CSMD3: variants seen among roughly 807,000 people sequenced by gnomAD.
The protein encoded by CSMD3 is CUB and sushi domain-containing protein 3.
A neutral mutation model predicts 435.2 loss-of-function variants in CSMD3; 177 were observed. The observed-to-expected ratio is 0.41, with a 90% CI of 0.36 to 0.46. The LOEUF (loss-of-function observed/expected upper bound fraction) is 0.46. CSMD3 is among the 20% of genes least tolerant of loss of function. The pLI is 0.34. For synonymous variants in CSMD3, 1,656 were observed against 1,520.5 expected (o/e 1.09, Z -2.07); for missense variants, 4,265 against 4,504.6 (o/e 0.95, Z 1.52).
At chr8:112,953,294 C>T (rs559811339) in intron 8 of CSMD3, among the ~76,000 whole-genome samples, 36 of 151,372 alleles carry the variant, frequency 2.4e-4, no homozygotes, top group Non-Finnish European at 4.3e-4. Flanking sequence ...AGTCATCTCA[C>T]CTGGTGATTT....
At chr8:112,359,989 C>T (rs1266190403) in intron 38 of CSMD3, among the ~76,000 whole-genome samples, 1 of 152,064 alleles carries the variant, frequency 6.6e-6, no homozygotes, top group Admixed American at 6.6e-5. Context: ...ATTAATCTTA[C>T]TTAATACCCG....
chr8:112,394,734 A>G (rs1202578606), intron 35 of CSMD3, among the ~76,000 whole-genome samples: 1 of 152,064 alleles, frequency 6.6e-6, no homozygotes, highest in African/African-American at 2.4e-5. Flanking sequence ...ATTTTTTTCT[A>G]CAGCATTCTC....
At chr8:112,602,649 T>C (rs1266879933) in intron 22 of CSMD3, among the ~76,000 whole-genome samples, 6 of 151,780 alleles carry the variant, frequency 4.0e-5, no homozygotes, top group African/African-American at 1.5e-4. Context: ...TAGCCTATTG[T>C]TAGCCCACAG....
At chr8:112,751,617 A>G (rs2077571409) in intron 13 of CSMD3, among the ~76,000 whole-genome samples, 1 of 150,058 alleles carries the variant, frequency 6.7e-6, no homozygotes. Flanking sequence ...TTTTCAAAAT[A>G]AGAAGTTTAG....
At position 112,807,237 on chromosome 8, in the gene CSMD3, CTT is replaced by C. The variant is rs1439020169; in HGVS notation, c.1860-6965_1860-6964del. On this transcript the variant is annotated intron_variant, in intron 12 of 70. Transcript: ENST00000297405. Reference sequence around the variant, plus strand: ...TAAGCACAAGCCCTGAAATAAATACCTTGTCTGGGAAATCTGCTGGGCCTCAT... The same window carrying C: ...TAAGCACAAGCCCTGAAATAAATACCGTCTGGGAAATCTGCTGGGCCTCAT... Among the ~76,000 whole-genome samples the C allele has an allele frequency of 1.1e-4, 16 of 152,242 alleles. No individual in the cohort carries two copies. In the East Asian group the frequency reaches 3.1e-3, roughly 29 times the overall value.
chr8:112,296,149 G>C (rs1447837718), intron 53 of CSMD3, 143 bp from the exon 54 acceptor site: 1 of 679,626 alleles, frequency 1.5e-6, no homozygotes, highest in African/African-American at 1.8e-5. Context: ...ATGACATAAA[G>C]GTAACTATGA....
rs534958348 is a variant in CSMD3 at position 112,852,302 on chromosome 8, T to C, written c.1755+6843A>G. On this transcript the variant is annotated intron_variant, in intron 11 of 70. Transcript: ENST00000297405. ...TTAAGGGTGACTTCAAGTTGAGTCCTAAAATATCAGTTTAGGACTGAAATT... is the reference window on the plus strand; with the variant it reads ...TTAAGGGTGACTTCAAGTTGAGTCCCAAAATATCAGTTTAGGACTGAAATT... Among the ~76,000 whole-genome samples, 21 of 152,312 alleles carry C rather than the reference T, an allele frequency of 1.4e-4. 1 individual carries two copies. The South Asian group carries it at 4.4e-3, about 32-fold the overall frequency.
intron 28 of CSMD3, among the ~76,000 whole-genome samples, chr8:112,513,819 T>G (rs1175472603): frequency 6.6e-6 from 1 of 152,154 alleles, no homozygotes; most frequent in Admixed American, 6.5e-5. Flanking sequence ...TTTTTCCACT[T>G]GGATTATGTG....
intron 32 of CSMD3, among the ~76,000 whole-genome samples, chr8:112,458,181 C>T (rs2130653563): frequency 8.2e-6 from 1 of 122,554 alleles, no homozygotes; most frequent in Admixed American, 8.0e-5. Context: ...AAAGACAGTC[C>T]CCTTCAAATA....
intron 27 of CSMD3, among the ~76,000 whole-genome samples, chr8:112,523,331 AT>A (rs1394001601): frequency 1.3e-5 from 2 of 152,014 alleles, no homozygotes; most frequent in African/African-American, 4.8e-5. Flanking sequence ...AAAATATTAA[AT>A]TTTTATTCTA....
intron 38 of CSMD3, among the ~76,000 whole-genome samples, chr8:112,356,014 A>G (rs1424725640): frequency 1.3e-5 from 2 of 152,160 alleles, no homozygotes; most frequent in Non-Finnish European, 2.9e-5. Context: ...AATGGCTATG[A>G]TGTAAAAGTC....
intron 12 of CSMD3, among the ~76,000 whole-genome samples, chr8:112,813,311 A>C (rs560674310): frequency 6.6e-6 from 1 of 152,300 alleles, no homozygotes; most frequent in Non-Finnish European, 1.5e-5. Context: ...GCAATATGTT[A>C]CCAGAGTGAA....
chr8:113,329,233 A>AAATAAATAAATAAATAAATG lies in CSMD3; in HGVS notation c.179-14441_179-14440insCATTTATTTATTTATTTATT, dbSNP rs1196514500. 4.6e-3 allele frequency among the ~76,000 whole-genome samples: 700 copies of AAATAAATAAATAAATAAATG among 151,270 alleles called. 9 individuals are homozygous for AAATAAATAAATAAATAAATG. The highest frequency in any genetic ancestry group is 0.016 in the African/African-American group (664 of 41,350). ...TAAATAAATAAATAAATAAATAAATAAGGAATTAACTGAAAATGTACAAAT... is the reference window on the plus strand; with the variant it reads ...TAAATAAATAAATAAATAAATAAATAAATAAATAAATAAATAAATGAGGAATTAACTGAAAATGTACAAAT... On this transcript the variant is annotated intron_variant, in intron 1 of 70. Transcript: ENST00000297405.
At chr8:113,122,679 A>C (rs1344903026) in intron 4 of CSMD3, among the ~76,000 whole-genome samples, 2 of 152,074 alleles carry the variant, frequency 1.3e-5, no homozygotes, top group Admixed American at 1.3e-4. Flanking sequence ...GGCAGCCTCC[A>C]GATGCTGGAA....
At chr8:113,107,785 C>G (rs1240167140) in intron 4 of CSMD3, among the ~76,000 whole-genome samples, 1 of 152,186 alleles carries the variant, frequency 6.6e-6, no homozygotes, top group Non-Finnish European at 1.5e-5. Context: ...AGTCTCTTTT[C>G]TACTTCAGTA....
chr8:112,584,135 G>A (rs1830537232), intron 23 of CSMD3, among the ~76,000 whole-genome samples: 1 of 151,724 alleles, frequency 6.6e-6, no homozygotes, highest in East Asian at 1.9e-4. Context: ...GTAACAGTGT[G>A]CTACCTTGGA....
In CSMD3 at chr8:113,107,179, T is replaced by A. The variant is rs544299768; in HGVS notation, c.710-8216A>T. 8.1e-4 allele frequency among the ~76,000 whole-genome samples: 123 copies of A among 152,290 alleles called. 1 individual carries two copies. The highest frequency in any genetic ancestry group is 3.4e-3 in the Middle Eastern group (1 of 294). The stretch of plus-strand genomic sequence containing the variant: ...GAGCATCATGCAAGTCGCATCACAC[T>A]GGGGGCCTGGCACAGAAGTGGTGGT... On this transcript the variant is annotated intron_variant, in intron 4 of 70. Transcript: ENST00000297405.
At chr8:112,943,080 T>C (rs1254994102) in intron 9 of CSMD3, among the ~76,000 whole-genome samples, 1 of 151,754 alleles carries the variant, frequency 6.6e-6, no homozygotes, top group Non-Finnish European at 1.5e-5. Flanking sequence ...TAATTACATA[T>C]GATAATGAGC....
intron 22 of CSMD3, among the ~76,000 whole-genome samples, chr8:112,630,039 A>T (rs2074471160): frequency 6.6e-6 from 1 of 152,142 alleles, no homozygotes; most frequent in Non-Finnish European, 1.5e-5. Flanking sequence ...CAAGAAACTG[A>T]TTGCTTCCAA....
Sources: gnomAD v4.1 joint callset for allele counts (sites outside exome capture counted in the v4.1 genomes callset) on GRCh38, gnomAD v4.1.1 for gene constraint, MANE v1.5 for transcripts, NCBI Gene and HGNC (gene_info 2026-07-23, HGNC 2026-07-21) for gene names.